The following ARHGAP26 variants were observed in gnomAD, a reference collection of about 807,000 sequenced individuals.
ARHGAP26 encodes rho GTPase-activating protein 26.
Under a neutral mutation model 104.8 loss-of-function variants are expected in ARHGAP26, and 38 were observed. That is an observed-to-expected ratio of 0.36 (90% CI 0.28 to 0.48). The LOEUF is 0.48. Ranked by LOEUF, ARHGAP26 falls within the 20% of genes least tolerant of loss-of-function variation. ARHGAP26 has a pLI of 0.99. For missense variants in ARHGAP26, 704 were observed against 947.9 expected (o/e 0.74, Z 3.38); for synonymous variants, 341 against 340.0 (o/e 1.00, Z -0.03).
intron 18 of ARHGAP26, among the ~76,000 whole-genome samples, chr5:143,121,578 C>A (rs373050075): frequency 5.3e-5 from 8 of 152,198 alleles, no homozygotes; most frequent in East Asian, 1.9e-4. Context: ...ATTAAACTTT[C>A]TTCATTTGTG....
chr5:142,952,268 T>C (rs1224012076), intron 11 of ARHGAP26, among the ~76,000 whole-genome samples: 1 of 152,220 alleles, frequency 6.6e-6, no homozygotes, highest in Non-Finnish European at 1.5e-5. Flanking sequence ...GACTTTTCTT[T>C]CTTGGTCTCT....
intron 1 of ARHGAP26, among the ~76,000 whole-genome samples, chr5:142,827,865 G>A (rs546536632): frequency 4.6e-5 from 7 of 152,338 alleles, no homozygotes; most frequent in African/African-American, 1.4e-4. Context: ...AACGTCAGCC[G>A]TTACTAGCTA....
intron 20 of ARHGAP26, among the ~76,000 whole-genome samples, chr5:143,183,092 GA>G (rs1315346019): frequency 2.4e-5 from 3 of 123,724 alleles, no homozygotes; most frequent in East Asian, 2.5e-4. Flanking sequence ...AAAAAAAAAA[GA>G]AAAAAAAACC....
chr5:143,071,907 A>G (rs1049833513), intron 17 of ARHGAP26, among the ~76,000 whole-genome samples: 1 of 152,192 alleles, frequency 6.6e-6, no homozygotes, highest in Non-Finnish European at 1.5e-5. Flanking sequence ...TCCATCTCAA[A>G]AAACAAACAA....
chr5:142,973,786 T>C (rs1331236199), intron 11 of ARHGAP26, among the ~76,000 whole-genome samples: 1 of 152,212 alleles, frequency 6.6e-6, no homozygotes, highest in Non-Finnish European at 1.5e-5. Context: ...ATTTATTTCA[T>C]AGATGTTTAA....
At chr5:142,997,103 T>TTA (rs1386354468) in intron 11 of ARHGAP26, among the ~76,000 whole-genome samples, 10 of 145,226 alleles carry the variant, frequency 6.9e-5, no homozygotes, top group Admixed American at 2.7e-4. Flanking sequence ...CCAAAAAACT[T>TTA]TATATATATG....
Position 142,879,402 on chromosome 5 carries a change from C to A in ARHGAP26, c.341C>A (p.Thr114Asn), listed in dbSNP as rs773845372. Reference sequence around the variant, plus strand: ...GAGAATGCCAGCGAGGTGCTCATCACTCCCTTGGAGAAGTTTCGAAAGGAA... The same window carrying A: ...GAGAATGCCAGCGAGGTGCTCATCAATCCCTTGGAGAAGTTTCGAAAGGAA... ...MIENASEVLI[T>N]PLEKFRKEQI... The change falls in exon 4 of 23, where the codon ACT becomes AAT. Residue 114 changes from threonine to asparagine, a missense_variant. Coordinates refer to ENST00000645722, the MANE Select transcript of ARHGAP26 (RefSeq NM_001135608.3). 3.1e-6 allele frequency: 5 copies of A among 1,614,080 alleles called. No individual in the cohort carries two copies. Among genetic ancestry groups the A allele is most frequent in the Middle Eastern group, 1.7e-4 (1 of 6,060 alleles).
chr5:142,880,849 C>G (rs143293956), intron 4 of ARHGAP26, among the ~76,000 whole-genome samples: 1 of 152,174 alleles, frequency 6.6e-6, no homozygotes, highest in Non-Finnish European at 1.5e-5. Context: ...GATGTTTAGT[C>G]AGGGTCTTTC....
chr5:143,015,013 AT>A (rs750353725), intron 12 of ARHGAP26, among the ~76,000 whole-genome samples: 2 of 152,014 alleles, frequency 1.3e-5, no homozygotes, highest in Non-Finnish European at 2.9e-5. Flanking sequence ...CAGGACAGAG[AT>A]TTTTCCCCCC....
chr5:142,953,596 G>T (rs1768730688), intron 11 of ARHGAP26, among the ~76,000 whole-genome samples: 1 of 152,112 alleles, frequency 6.6e-6, no homozygotes, highest in Non-Finnish European at 1.5e-5. Context: ...TCCTGACCCT[G>T]GAGAACACTG....
chr5:143,220,371 G>A (rs1376523171), intron 22 of ARHGAP26, among the ~76,000 whole-genome samples: 2 of 152,238 alleles, frequency 1.3e-5, no homozygotes, highest in Admixed American at 6.5e-5. Context: ...GTCTCCTACT[G>A]ACTAGCCTGT....
intron 1 of ARHGAP26, among the ~76,000 whole-genome samples, chr5:142,783,197 C>CAAGG (rs1757868298): frequency 6.6e-6 from 1 of 152,242 alleles, no homozygotes; most frequent in Admixed American, 6.5e-5. Context: ...TGCATTACTG[C>CAAGG]AGGCCTAGGA....
At chr5:142,967,403 C>G (rs1771552934) in intron 11 of ARHGAP26, among the ~76,000 whole-genome samples, 1 of 152,186 alleles carries the variant, frequency 6.6e-6, no homozygotes, top group African/African-American at 2.4e-5. Flanking sequence ...TAACCTAGCA[C>G]CTAGCACAAT....
At chr5:142,983,845 C>T (rs958775196) in intron 11 of ARHGAP26, among the ~76,000 whole-genome samples, 16 of 151,968 alleles carry the variant, frequency 1.1e-4, no homozygotes, top group Non-Finnish European at 1.2e-4. Flanking sequence ...AACATGCATC[C>T]CTTTCCAGGT....
intron 1 of ARHGAP26, among the ~76,000 whole-genome samples, chr5:142,784,987 C>T (rs942360061): frequency 4.3e-5 from 6 of 140,738 alleles, no homozygotes; most frequent in Non-Finnish European, 7.5e-5. Context: ...AGTGCAGTGG[C>T]GCGATCTCGG....
At chr5:143,011,850 A>G (rs913864421) in intron 11 of ARHGAP26, among the ~76,000 whole-genome samples, 3 of 152,214 alleles carry the variant, frequency 2.0e-5, no homozygotes, top group Non-Finnish European at 4.4e-5. Flanking sequence ...CCCTCCCCTC[A>G]AATTCCATGA....
At chr5:143,042,780 C>T (rs1326593199) in intron 14 of ARHGAP26, among the ~76,000 whole-genome samples, 1 of 152,170 alleles carries the variant, frequency 6.6e-6, no homozygotes, top group African/African-American at 2.4e-5. Context: ...GAAATCTCTT[C>T]TCTCATGTTG....
intron 11 of ARHGAP26, among the ~76,000 whole-genome samples, chr5:142,944,490 T>C (rs924358150): frequency 7.2e-5 from 11 of 152,334 alleles, no homozygotes; most frequent in African/African-American, 2.6e-4. Flanking sequence ...CAAATTGTGC[T>C]CCTTCCAGTC....
intron 20 of ARHGAP26, among the ~76,000 whole-genome samples, chr5:143,167,194 C>T (rs1424835232): frequency 6.6e-6 from 1 of 151,268 alleles, no homozygotes; most frequent in Admixed American, 6.6e-5. Flanking sequence ...TCACCTGGCA[C>T]GGTGGCCCAT....
Sources: allele counts gnomAD v4.1 joint callset (sites outside exome capture counted in the v4.1 genomes callset), GRCh38; gene constraint gnomAD v4.1.1; transcripts MANE v1.5; gene names NCBI Gene and HGNC (gene_info 2026-07-23, HGNC 2026-07-21).